CNTNAP2: variants seen among roughly 807,000 people sequenced by gnomAD.
The protein encoded by CNTNAP2 is contactin associated protein 2.
Under a neutral mutation model 155.2 loss-of-function variants are expected in CNTNAP2, and 98 were observed. The ratio of observed to expected loss-of-function variants is 0.63; its 90% confidence interval spans 0.54 to 0.75. The LOEUF (loss-of-function observed/expected upper bound fraction) is 0.75. Among genes scored for constraint, CNTNAP2 ranks in the 30% least tolerant of loss-of-function variants. The pLI, the probability that CNTNAP2 is intolerant of heterozygous loss-of-function variation, is 0.00. For missense variants in CNTNAP2, 1,727 were observed against 1,688.1 expected, an observed-to-expected ratio of 1.02 and a Z score of -0.40; for synonymous variants, 651 against 631.2, an observed-to-expected ratio of 1.03 and a Z score of -0.47.
At chr7:148,034,314 C>G (rs1012045372) in intron 15 of CNTNAP2, among the ~76,000 whole-genome samples, 47 of 152,226 alleles carry the variant, frequency 3.1e-4, no homozygotes, top group African/African-American at 1.1e-3. Context: ...ATTGTTCCCC[C>G]CAAAGTGCAT....
At chr7:146,938,375 G>A (rs1185286105) in intron 3 of CNTNAP2, among the ~76,000 whole-genome samples, 1 of 126,350 alleles carries the variant, frequency 7.9e-6, no homozygotes, top group East Asian at 2.0e-4. Flanking sequence ...TAATATATAA[G>A]TAGTAGAAGT....
Position 147,591,435 on chromosome 7 carries a change from A to G in CNTNAP2, c.1897+29178A>G, listed in dbSNP as rs1304255859. Among the ~76,000 whole-genome samples, 7 of 152,172 alleles carry G rather than the reference A, an allele frequency of 4.6e-5. No individual in the cohort carries two copies. In the East Asian group the frequency reaches 9.7e-4, roughly 21 times the overall value. On this transcript the variant is annotated intron_variant, in intron 12 of 23. Transcript: ENST00000361727. ...ACCTTCCTGGCCTCATTTTAGCTTTATGTCCTCTTTAAAGGTCCTATCTCC... is the reference window on the plus strand; with the variant it reads ...ACCTTCCTGGCCTCATTTTAGCTTTGTGTCCTCTTTAAAGGTCCTATCTCC...
intron 1 of CNTNAP2, among the ~76,000 whole-genome samples, chr7:146,543,938 A>T (rs1308246346): frequency 6.6e-6 from 1 of 151,924 alleles, no homozygotes; most frequent in African/African-American, 2.4e-5. Context: ...CTCATTTTGC[A>T]GTCCACTCCT....
chr7:147,143,796 T>A (rs1041069556), intron 8 of CNTNAP2, among the ~76,000 whole-genome samples: 1 of 152,146 alleles, frequency 6.6e-6, no homozygotes, highest in African/African-American at 2.4e-5. Flanking sequence ...TATTAAAGCC[T>A]AGAGATGTAC....
At chr7:147,435,494 G>A (rs943933321) in intron 10 of CNTNAP2, among the ~76,000 whole-genome samples, 1 of 152,196 alleles carries the variant, frequency 6.6e-6, no homozygotes, top group Non-Finnish European at 1.5e-5. Context: ...TATATCCATG[G>A]ATTGCAGCAA....
At chr7:147,918,362 T>A (rs897937026) in intron 14 of CNTNAP2, among the ~76,000 whole-genome samples, 2 of 152,244 alleles carry the variant, frequency 1.3e-5, no homozygotes, top group African/African-American at 4.8e-5. Context: ...CACATAGACA[T>A]ACACTCATCT....
chr7:146,814,757 T>G (rs59409203), intron 2 of CNTNAP2, among the ~76,000 whole-genome samples: 8,403 of 151,766 alleles, frequency 0.055, 741 homozygotes, highest in African/African-American at 0.19. Context: ...TACCCCAAAG[T>G]CACCCCAAAG....
chr7:147,660,777 C>T (rs28694327), intron 13 of CNTNAP2, among the ~76,000 whole-genome samples: 6,895 of 152,236 alleles, frequency 0.045, 512 homozygotes, highest in African/African-American at 0.16. Flanking sequence ...AAAGACATTT[C>T]AAACAGCCTT....
At chr7:147,719,848 T>G (rs11976260) in intron 13 of CNTNAP2, among the ~76,000 whole-genome samples, 2,507 of 152,236 alleles carry the variant, frequency 0.016, 66 homozygotes, top group African/African-American at 0.058. Context: ...CCTCTTTATA[T>G]TTCCTTCAAC....
intron 11 of CNTNAP2, among the ~76,000 whole-genome samples, chr7:147,526,773 G>T (rs899074683): frequency 3.9e-5 from 6 of 152,134 alleles, no homozygotes; most frequent in African/African-American, 1.2e-4. Flanking sequence ...GGAATCATGT[G>T]CTCATGACTA....
chr7:146,429,253 T>C (rs1441328839), intron 1 of CNTNAP2, among the ~76,000 whole-genome samples: 1 of 152,292 alleles, frequency 6.6e-6, no homozygotes, highest in African/African-American at 2.4e-5. Context: ...ATATTTTTTT[T>C]TCTAATTCTG....
chr7:148,414,078 ATTT>A lies in CNTNAP2; in HGVS notation c.3797-1329_3797-1327del, dbSNP rs780784669. Reference sequence around the variant, plus strand: ...TCATCCAGTATTTTTTTCTTTTTCCATTTTTTTTTTTTAGACAGAGTCCCCCCC... The same window carrying A: ...TCATCCAGTATTTTTTTCTTTTTCCATTTTTTTTTAGACAGAGTCCCCCCC... On this transcript the variant is annotated intron_variant, in intron 23 of 23. Transcript: ENST00000361727. Among the ~76,000 whole-genome samples the A allele has an allele frequency of 7.1e-4, 81 of 114,456 alleles. 1 individual carries two copies. Among genetic ancestry groups the A allele is most frequent in the African/African-American group, 3.0e-3 (79 of 26,588 alleles). 75.1% of individuals were successfully genotyped at this position (114,456 alleles called of 152,430 possible).
At chr7:146,953,855 A>C (rs1797375023) in intron 3 of CNTNAP2, among the ~76,000 whole-genome samples, 2 of 151,976 alleles carry the variant, frequency 1.3e-5, no homozygotes, top group Non-Finnish European at 2.9e-5. Flanking sequence ...AAGGGAAATA[A>C]GCTATTGCAA....
chr7:147,488,005 G>T (rs1240437673), intron 11 of CNTNAP2, among the ~76,000 whole-genome samples: 2 of 152,084 alleles, frequency 1.3e-5, no homozygotes, highest in African/African-American at 4.8e-5. Flanking sequence ...TGCATAAATA[G>T]AGGTGAAAAG....
At chr7:147,086,071 A>G (rs1315035837) in intron 4 of CNTNAP2, among the ~76,000 whole-genome samples, 1 of 152,226 alleles carries the variant, frequency 6.6e-6, no homozygotes, top group Non-Finnish European at 1.5e-5. Context: ...GCAGCTTCCA[A>G]GAGAACTTCA....
chr7:147,832,742 A>C (rs1798572060), intron 13 of CNTNAP2, among the ~76,000 whole-genome samples: 1 of 146,824 alleles, frequency 6.8e-6, no homozygotes, highest in Non-Finnish European at 1.5e-5. Context: ...ATATTTTATA[A>C]TTTAATGACA....
In CNTNAP2 at chr7:146,543,509, A is replaced by T. The variant is rs528522215; in HGVS notation, c.98-230762A>T. On this transcript the variant is annotated intron_variant, in intron 1 of 23. Transcript: ENST00000361727. Reference sequence around the variant, plus strand: ...TCATGTGAGTGAAATCACACACCAGAGCGGTTGTTAAAGATGACTGACATG... The same window carrying T: ...TCATGTGAGTGAAATCACACACCAGTGCGGTTGTTAAAGATGACTGACATG... Among the ~76,000 whole-genome samples, 5 of 151,992 alleles carry T rather than the reference A, an allele frequency of 3.3e-5. No individual in the cohort carries two copies. In the South Asian group the frequency reaches 1.0e-3, roughly 32 times the overall value.
intron 1 of CNTNAP2, among the ~76,000 whole-genome samples, chr7:146,337,639 T>TGTTC (rs200992319): frequency 1.4e-4 from 22 of 151,964 alleles, no homozygotes; most frequent in African/African-American, 4.8e-4. Flanking sequence ...TTTGTTTGTT[T>TGTTC]TAATTTTTCT....
In CNTNAP2 at chr7:148,263,750, AG is replaced by A. The variant is rs1256350179; in HGVS notation, c.3382-3282del. On this transcript the variant is annotated intron_variant, in intron 20 of 23. Coordinates refer to ENST00000361727, the MANE Select transcript of CNTNAP2 (RefSeq NM_014141.6). ...AGACTCAGTCCCAAAAAAAAAAAAA[AG>A]AAAGAAAGAAAAGTTTATATAAATA... 2.9e-3 allele frequency among the ~76,000 whole-genome samples: 429 copies of A among 147,602 alleles called. 3 individuals are homozygous for A. Among genetic ancestry groups the A allele is most frequent in the African/African-American group, 0.01 (408 of 40,020 alleles).
Sources: allele counts gnomAD v4.1 joint callset (sites outside exome capture counted in the v4.1 genomes callset), GRCh38; gene constraint gnomAD v4.1.1; transcripts MANE v1.5; gene names NCBI Gene and HGNC (gene_info 2026-07-23, HGNC 2026-07-21).